Variants in SLC30A10 observed in about 807,000 individuals in gnomAD.
SLC30A10 encodes calcium/manganese antiporter SLC30A10.
In SLC30A10, 8 loss-of-function variants were observed where a neutral mutation model predicts 21.7. The ratio of observed to expected loss-of-function variants is 0.37; its 90% CI spans 0.22 to 0.67. SLC30A10 has a LOEUF of 0.67. SLC30A10 is among the 30% of genes least tolerant of loss of function. The pLI, the probability that SLC30A10 is intolerant of heterozygous loss-of-function variation, is 0.58. For synonymous variants in SLC30A10, 272 were observed against 279.4 expected, an observed-to-expected ratio of 0.97 and a Z score of 0.26; for missense variants, 521 against 642.5, an observed-to-expected ratio of 0.81 and a Z score of 2.04.
chr1:219,922,190 T>G (rs1034596584), intron 2 of SLC30A10, among the ~76,000 whole-genome samples: 3,417 of 17,216 alleles, frequency 0.2, 695 homozygotes, highest in African/African-American at 0.29. Context: ...TTTTTTTTTT[T>G]TTTTTTTTTT....
At chr1:219,943,610 T>G (rs1055401077) in intron 1 of SLC30A10, among the ~76,000 whole-genome samples, 1 of 152,158 alleles carries the variant, frequency 6.6e-6, no homozygotes, top group East Asian at 1.9e-4. Context: ...AAAAAGACAC[T>G]GACATTGAGG....
In SLC30A10 at chr1:219,910,853, T is replaced by C. The variant is rs1038038027; in HGVS notation, c.*4596A>G. Among the ~76,000 whole-genome samples the C allele has an allele frequency of 1.5e-4, 23 of 152,094 alleles. No homozygotes were observed. The highest frequency in any genetic ancestry group is 5.3e-4 in the African/African-American group (22 of 41,410). Reference sequence around the variant, plus strand: ...ACAAAAAGGTACGAAATAAAACACATGAAAAGAGAAGCACCAGAAAATGAC... The same window carrying C: ...ACAAAAAGGTACGAAATAAAACACACGAAAAGAGAAGCACCAGAAAATGAC... On this transcript the variant is annotated 3_prime_UTR_variant, in exon 4 of 4. Coordinates refer to ENST00000366926, the MANE Select transcript of SLC30A10 (RefSeq NM_018713.3).
intron 1 of SLC30A10, among the ~76,000 whole-genome samples, chr1:219,937,790 T>C (rs1025715716): frequency 8.5e-5 from 13 of 152,330 alleles, no homozygotes; most frequent in African/African-American, 2.9e-4. Context: ...CCAGCCTGGG[T>C]GACAGAGCAA....
chr1:219,933,594 T>G (rs1487504581), upstream of SLC30A10, among the ~76,000 whole-genome samples: 1 of 152,278 alleles, frequency 6.6e-6, no homozygotes, highest in East Asian at 1.9e-4. Flanking sequence ...GTCATGAGAC[T>G]TAAGTGGGAA....
At chr1:219,920,446 G>T (rs2102528094) in intron 2 of SLC30A10, among the ~76,000 whole-genome samples, 1 of 152,218 alleles carries the variant, frequency 6.6e-6, no homozygotes, top group South Asian at 2.1e-4. Context: ...TTCTCTGATT[G>T]TCTCATACAT....
chr1:219,956,703 T>C lies in SLC30A10; in HGVS notation n.80+1865A>G, dbSNP rs148702671. On this transcript the variant is annotated intron_variant and non_coding_transcript_variant, in intron 1 of 8. Coordinates refer to the SLC30A10 transcript ENST00000484239. ...GAAGAAAAGAAAAAAAAGAAACCCA[T>C]ATGGTTGGAGTGAAACATTTGTCTT... Among the ~76,000 whole-genome samples the C allele has an allele frequency of 4.0e-4, 61 of 150,716 alleles. No homozygotes were observed. The Middle Eastern group carries it at 0.014, about 34-fold the overall frequency.
upstream of SLC30A10, among the ~76,000 whole-genome samples, chr1:219,933,048 C>A (rs1398615065): frequency 6.9e-6 from 1 of 145,170 alleles, no homozygotes; most frequent in African/African-American, 2.5e-5. Flanking sequence ...GCAACAAGAG[C>A]AAAACTCCGT....
At chr1:219,922,204 TTTTTTTTTTTTTTTTTTTTTTTTTTTTG>T (rs1659711535) in intron 2 of SLC30A10, among the ~76,000 whole-genome samples, 11 of 63,432 alleles carry the variant, frequency 1.7e-4, no homozygotes, top group Middle Eastern at 6.1e-3. Flanking sequence ...TTTTTTTTTT[TTTTTTTTTTTTTTTTTTTTTTTTTTTTG>T]CAGAGACAGG....
intron 2 of SLC30A10, among the ~76,000 whole-genome samples, chr1:219,926,697 A>G (rs979492182): frequency 6.6e-6 from 1 of 152,234 alleles, no homozygotes; most frequent in African/African-American, 2.4e-5. Context: ...CTTTATCAAA[A>G]TCAATTCAAT....
intron 1 of SLC30A10, among the ~76,000 whole-genome samples, 163 bp downstream of exon 1, chr1:219,927,638 T>TAAAAAAAA (rs77015523): frequency 7.5e-5 from 4 of 53,416 alleles, no homozygotes; most frequent in Non-Finnish European, 1.5e-4. Context: ...ATGGATTTAT[T>TAAAAAAAA]AAAAAAAAAA....
intron 2 of SLC30A10, among the ~76,000 whole-genome samples, chr1:219,921,490 A>G (rs762341603): frequency 6.6e-6 from 1 of 152,124 alleles, no homozygotes; most frequent in Non-Finnish European, 1.5e-5. Flanking sequence ...AAATCCCACT[A>G]TTACCCCCTA....
chr1:219,943,485 G>T (rs920278036), intron 1 of SLC30A10, among the ~76,000 whole-genome samples: 6 of 152,136 alleles, frequency 3.9e-5, no homozygotes, highest in Non-Finnish European at 7.4e-5. Context: ...TGTCAGAGGA[G>T]ACCTGCTCAA....
chr1:219,946,235 G>T (rs960057491), intron 1 of SLC30A10, among the ~76,000 whole-genome samples: 1 of 152,110 alleles, frequency 6.6e-6, no homozygotes, highest in East Asian at 1.9e-4. Context: ...AATTGCCAAT[G>T]AGCAATATTG....
chr1:219,923,430 A>G (rs1284697643), intron 2 of SLC30A10, among the ~76,000 whole-genome samples: 8 of 152,218 alleles, frequency 5.3e-5, no homozygotes, highest in Non-Finnish European at 1.2e-4. Flanking sequence ...GCACTTAGGA[A>G]AGCCATCAGT....
intron 2 of SLC30A10, among the ~76,000 whole-genome samples, chr1:219,925,651 A>ATATATATATATATTTTTTTTTTTTTT (rs1317554458): frequency 2.1e-5 from 1 of 48,284 alleles, no homozygotes; most frequent in Non-Finnish European, 3.2e-5. Context: ...ATATATATAT[A>ATATATATATATATTTTTTTTTTTTTT]TTTTTTTTTT....
At chr1:219,927,449 T>C (rs1220621558) in intron 1 of SLC30A10, among the ~76,000 whole-genome samples, 6 of 151,388 alleles carry the variant, frequency 4.0e-5, no homozygotes, top group Non-Finnish European at 7.4e-5. Context: ...GAGGAGGGGT[T>C]GGAGAGTCCT....
In SLC30A10 at chr1:219,913,172, C is replaced by T. The variant is rs1480860258; in HGVS notation, c.*2277G>A. ...CAAATGCAAGCCACTCAACCCAATA[C>T]AAAATTATTGCACTTAGCATGATTG... On this transcript the variant is annotated 3_prime_UTR_variant, in exon 4 of 4. Coordinates refer to ENST00000366926, the MANE Select transcript of SLC30A10 (RefSeq NM_018713.3). Among the ~76,000 whole-genome samples, 2 of 152,236 alleles carry T rather than the reference C, an allele frequency of 1.3e-5. No homozygotes were observed. Among genetic ancestry groups the T allele is most frequent in the Non-Finnish European group, 2.9e-5 (2 of 68,038 alleles).
intron 2 of SLC30A10, among the ~76,000 whole-genome samples, chr1:219,920,618 C>CTAT (rs1020102148): frequency 3.3e-5 from 5 of 151,932 alleles, no homozygotes; most frequent in South Asian, 4.2e-4. Context: ...ATAATAATAA[C>CTAT]TATTATTATT....
At chr1:219,953,451 C>T (rs1238767078) in intron 1 of SLC30A10, among the ~76,000 whole-genome samples, 2 of 151,542 alleles carry the variant, frequency 1.3e-5, no homozygotes, top group African/African-American at 4.8e-5. Flanking sequence ...AAAAAATTAG[C>T]CGGGTGTGGT....
Sources: gnomAD v4.1 joint callset for allele counts (sites outside exome capture counted in the v4.1 genomes callset) on GRCh38, gnomAD v4.1.1 for gene constraint, MANE v1.5 for transcripts, NCBI Gene and HGNC (gene_info 2026-07-23, HGNC 2026-07-21) for gene names.